COL23A1: variants seen among roughly 807,000 people sequenced by gnomAD.
COL23A1 encodes collagen type XXIII alpha 1 chain, also known as collagen alpha-1(XXIII) chain.
A neutral mutation model predicts 99.3 loss-of-function variants in COL23A1; 97 were observed. The observed-to-expected ratio is 0.98, with a 90% CI of 0.83 to 1.16. COL23A1 has a LOEUF of 1.16. Ranked by LOEUF, COL23A1 falls within the 50% of genes most tolerant of loss-of-function variation. The pLI, the probability that COL23A1 is intolerant of heterozygous loss-of-function variation, is 0.00. For missense variants in COL23A1, 762 were observed against 757.4 expected, an observed-to-expected ratio of 1.01 and a Z score of -0.07; for synonymous variants, 320 against 308.2, an observed-to-expected ratio of 1.04 and a Z score of -0.40.
chr5:178,502,374 G>A (rs951950788), intron 2 of COL23A1, among the ~76,000 whole-genome samples: 34 of 152,260 alleles, frequency 2.2e-4, no homozygotes, highest in Admixed American at 4.6e-4. Context: ...CTTGTGATCT[G>A]CCCGCCTCGG....
intron 2 of COL23A1, among the ~76,000 whole-genome samples, chr5:178,501,155 G>A (rs184417982): frequency 3.9e-5 from 6 of 152,310 alleles, no homozygotes; most frequent in Admixed American, 2.0e-4. Context: ...AGAGAAGACA[G>A]GCCAACTAGG....
intron 2 of COL23A1, among the ~76,000 whole-genome samples, chr5:178,522,831 C>T (rs1760024979): frequency 6.6e-6 from 1 of 152,106 alleles, no homozygotes. Context: ...GGCATCCTTC[C>T]CATTCAAGTC....
intron 1 of COL23A1, among the ~76,000 whole-genome samples, chr5:178,564,831 T>C (rs1190625473): frequency 2.0e-5 from 3 of 152,192 alleles, no homozygotes; most frequent in Admixed American, 1.3e-4. Flanking sequence ...GAAATACAGA[T>C]TGACATAGAA....
chr5:178,300,611 A>G (rs1757981177), intron 3 of COL23A1, among the ~76,000 whole-genome samples: 2 of 151,444 alleles, frequency 1.3e-5, no homozygotes, highest in African/African-American at 4.9e-5. Flanking sequence ...GTGCAGTGGC[A>G]TGATCTTGGC....
intron 2 of COL23A1, among the ~76,000 whole-genome samples, chr5:178,398,915 C>T (rs1191041543): frequency 6.6e-6 from 1 of 152,240 alleles, no homozygotes; most frequent in Non-Finnish European, 1.5e-5. Flanking sequence ...CAGCCTGGCA[C>T]TGACGAGCTG....
intron 3 of COL23A1, among the ~76,000 whole-genome samples, chr5:178,296,186 T>G (rs1332150180): frequency 1.3e-5 from 2 of 152,168 alleles, no homozygotes; most frequent in East Asian, 1.9e-4. Flanking sequence ...AGGCTGGGAT[T>G]ATTATTCTGA....
chr5:178,492,902 G>A (rs1027417679), intron 2 of COL23A1, among the ~76,000 whole-genome samples: 1 of 152,082 alleles, frequency 6.6e-6, no homozygotes, highest in African/African-American at 2.4e-5. Flanking sequence ...TTCCTTGTCC[G>A]TGAAATGCGG....
intron 5 of COL23A1, among the ~76,000 whole-genome samples, chr5:178,271,881 T>C (rs1309973341): frequency 6.6e-6 from 1 of 152,028 alleles, no homozygotes; most frequent in Non-Finnish European, 1.5e-5. Flanking sequence ...ACCCTGTAGG[T>C]GGTGGAGGAG....
At position 178,384,814 on chromosome 5, in the gene COL23A1, G is replaced by T. The variant is rs1243565441; in HGVS notation, c.362-77895C>A. On this transcript the variant is annotated intron_variant, in intron 2 of 28. Transcript: ENST00000390654. This position sits in a 1 kb window ranked among gnomAD's most constrained non-coding sequence, Gnocchi z 5.5. Reference sequence around the variant, plus strand: ...CCTGGGGCTTGGAGTCCCCCTGAGGGAAATGGCTGTGCCTTTTCCTAAAGC... The same window carrying T: ...CCTGGGGCTTGGAGTCCCCCTGAGGTAAATGGCTGTGCCTTTTCCTAAAGC... Among the ~76,000 whole-genome samples the T allele has an allele frequency of 1.3e-5, 2 of 152,224 alleles. No homozygotes were observed. The highest frequency in any genetic ancestry group is 2.9e-5 in the Non-Finnish European group (2 of 68,042).
rs1049903530 is a variant in COL23A1 at position 178,590,162 on chromosome 5, G to C, written c.36C>G (p.Asp12Glu). The C allele has an allele frequency of 4.1e-6, 5 of 1,223,188 alleles. No individual in the cohort carries two copies. In the African/African-American group the frequency reaches 7.9e-5, roughly 19 times the overall value. 75.8% of individuals were successfully genotyped at this position (1,223,188 alleles called of 1,614,324 possible). A position where few individuals can be genotyped will look rare whatever the true frequency, so the allele number is the denominator to read the frequency against. The change falls in exon 1 of 29, where the codon GAC becomes GAG. Residue 12 changes from aspartate (D) to glutamate (E), a missense_variant. Physicochemically the swap from Asp to Glu is conservative, Grantham distance 45. Coordinates refer to ENST00000390654, the MANE Select transcript of COL23A1 (RefSeq NM_173465.4). This position sits in a 1 kb window ranked among gnomAD's most constrained non-coding sequence, Gnocchi z 5.7. ...GPGERAGGGG[D>E]AGKGNAAGGG... is the part of the protein sequence containing the mutation. ...CGCCCGCCGCATTGCCCTTCCCCGC[G>C]TCGCCGCCGCCACCGGCGCGCTCGC...
intron 3 of COL23A1, among the ~76,000 whole-genome samples, chr5:178,298,755 G>A (rs1308267142): frequency 6.6e-6 from 1 of 152,210 alleles, no homozygotes; most frequent in Non-Finnish European, 1.5e-5. Context: ...TTTCCCTAAA[G>A]GAGCAGAATG....
At chr5:178,312,949 C>T (rs943105251) in intron 2 of COL23A1, among the ~76,000 whole-genome samples, 20 of 152,218 alleles carry the variant, frequency 1.3e-4, no homozygotes, top group Admixed American at 8.5e-4. Context: ...GCAACCCAAA[C>T]GTCCACGGAC....
intron 2 of COL23A1, among the ~76,000 whole-genome samples, chr5:178,458,698 CGAA>C (rs1478015266): frequency 1.3e-5 from 2 of 151,262 alleles, no homozygotes; most frequent in East Asian, 3.9e-4. Flanking sequence ...AACAAAACAA[CGAA>C]GAAGAGTAAA....
chr5:178,505,965 C>A (rs954960384), intron 2 of COL23A1, among the ~76,000 whole-genome samples: 1 of 151,292 alleles, frequency 6.6e-6, no homozygotes, highest in African/African-American at 2.5e-5. Context: ...CTAAGCAGAC[C>A]TACAGGTAAA....
chr5:178,533,071 A>C (rs1760737774), intron 2 of COL23A1, among the ~76,000 whole-genome samples: 1 of 152,166 alleles, frequency 6.6e-6, no homozygotes, highest in South Asian at 2.1e-4. Context: ...CCCTGTCTGT[A>C]AGATGGGGAA....
At chr5:178,380,393 TTGTGTGTG>T (rs112420315) in intron 2 of COL23A1, among the ~76,000 whole-genome samples, 271 of 147,220 alleles carry the variant, frequency 1.8e-3, no homozygotes, top group African/African-American at 6.3e-3. Context: ...GAGCATGCAT[TTGTGTGTG>T]TGTGTGTGTG....
At chr5:178,441,795 A>C (rs17081260) in intron 2 of COL23A1, among the ~76,000 whole-genome samples, 15,556 of 152,058 alleles carry the variant, frequency 0.1, 1,803 homozygotes, top group East Asian at 0.36. Context: ...TCTTTGGGCT[A>C]AACATTCTGT....
intron 2 of COL23A1, chr5:178,438,834 C>G (rs1766705731): frequency 6.6e-6 from 1 of 152,170 alleles, no homozygotes; most frequent in Non-Finnish European, 1.5e-5. Flanking sequence ...AAACAAGTTG[C>G]CTTCAAGCAG....
chr5:178,252,373 G>A (rs1765082451), intron 17 of COL23A1, among the ~76,000 whole-genome samples, 171 bp downstream of exon 17: 1 of 152,214 alleles, frequency 6.6e-6, no homozygotes, highest in African/African-American at 2.4e-5. Context: ...AGTAGATCGA[G>A]CCCAGGAAGA....
Sources: allele counts gnomAD v4.1 joint callset (sites outside exome capture counted in the v4.1 genomes callset), GRCh38; gene constraint gnomAD v4.1.1; non-coding constraint Gnocchi (gnomAD v3.1); transcripts MANE v1.5; gene names NCBI Gene and HGNC (gene_info 2026-07-23, HGNC 2026-07-21).